The following KCNN2 variants were observed in gnomAD, a reference collection of about 807,000 sequenced individuals.
KCNN2 encodes the protein potassium calcium-activated channel subfamily N member 2.
Under a neutral mutation model 55.5 loss-of-function variants are expected in KCNN2, and 24 were observed. That is an observed-to-expected ratio of 0.43 (90% CI 0.31 to 0.61). KCNN2 has a LOEUF of 0.61. Ranked by LOEUF, KCNN2 falls within the 20% of genes least tolerant of loss-of-function variation. The pLI is 0.08. For synonymous variants in KCNN2, 431 were observed against 336.1 expected (o/e 1.28, Z -3.09); for missense variants, 754 against 853.6 (o/e 0.88, Z 1.45).
intron 2 of KCNN2, among the ~76,000 whole-genome samples, chr5:114,325,571 T>G (rs1756698415): frequency 6.6e-6 from 1 of 152,180 alleles, no homozygotes; most frequent in East Asian, 1.9e-4. Flanking sequence ...TTTAGGAAAC[T>G]TAAAAGCCTT....
At chr5:114,111,565 T>G (rs1018826336) in intron 1 of KCNN2, among the ~76,000 whole-genome samples, 3 of 152,060 alleles carry the variant, frequency 2.0e-5, no homozygotes, top group South Asian at 4.2e-4. Context: ...TTGGAGAAAA[T>G]TTTTGCAATC....
At chr5:114,168,984 G>C (rs1376215497) in intron 1 of KCNN2, among the ~76,000 whole-genome samples, 2 of 152,090 alleles carry the variant, frequency 1.3e-5, no homozygotes, top group Non-Finnish European at 2.9e-5. Context: ...TGCCCTTGCT[G>C]TTCTAATGAT....
intron 2 of KCNN2, among the ~76,000 whole-genome samples, chr5:114,293,766 G>A (rs1007217545): frequency 8.5e-5 from 13 of 152,174 alleles, no homozygotes; most frequent in African/African-American, 2.7e-4. Context: ...CAGAAGGAAT[G>A]GTACCAGTTC....
intron 1 of KCNN2, among the ~76,000 whole-genome samples, chr5:114,069,721 G>A (rs1482586431): frequency 6.6e-6 from 1 of 152,106 alleles, no homozygotes; most frequent in East Asian, 1.9e-4. Context: ...AATGCCTTTG[G>A]CTGTGGACTA....
intron 1 of KCNN2, among the ~76,000 whole-genome samples, chr5:114,208,227 C>G (rs550669398): frequency 6.6e-6 from 1 of 152,188 alleles, no homozygotes; most frequent in Non-Finnish European, 1.5e-5. Context: ...TCATTTGGAT[C>G]CTGAAATTGA....
chr5:114,458,342 T>C (rs1466718520), intron 3 of KCNN2, among the ~76,000 whole-genome samples: 1 of 152,218 alleles, frequency 6.6e-6, no homozygotes, highest in Non-Finnish European at 1.5e-5. Flanking sequence ...ACTGAATTAT[T>C]TTTACAGATA....
chr5:114,187,371 C>G (rs1169898317), intron 1 of KCNN2, among the ~76,000 whole-genome samples: 1 of 152,100 alleles, frequency 6.6e-6, no homozygotes, highest in Non-Finnish European at 1.5e-5. Flanking sequence ...AGATAATCAT[C>G]CCTTTTCCTT....
chr5:114,287,397 A>G (rs1755776112), intron 2 of KCNN2, among the ~76,000 whole-genome samples: 1 of 152,182 alleles, frequency 6.6e-6, no homozygotes, highest in Non-Finnish European at 1.5e-5. Flanking sequence ...GCACATATAC[A>G]CCAAGGAATA....
intron 3 of KCNN2, among the ~76,000 whole-genome samples, chr5:114,438,168 T>C (rs1760075704): frequency 6.6e-6 from 1 of 152,192 alleles, no homozygotes; most frequent in African/African-American, 2.4e-5. Flanking sequence ...GTGTGACATT[T>C]CTGAGCGTAG....
chr5:114,492,175 A>T (rs1383440413), intron 6 of KCNN2, among the ~76,000 whole-genome samples: 1 of 152,168 alleles, frequency 6.6e-6, no homozygotes, highest in Admixed American at 6.5e-5. Context: ...TGTAGAGCAG[A>T]TTTGGTGACA....
In KCNN2 at chr5:114,363,246, G is replaced by C; in HGVS notation, c.1107G>C (p.Trp369Cys). The C allele has an allele frequency of 6.2e-7, 1 of 1,609,972 alleles. No individual in the cohort carries two copies. The highest frequency in any genetic ancestry group is 1.3e-5 in the African/African-American group (1 of 74,994). Reference sequence around the variant, plus strand: ...TGGTCATCGAGACCGAGCTGTCGTGGGGCGCCTACGACAAGGTACAGGCTT... The same window carrying C: ...TGGTCATCGAGACCGAGCTGTCGTGCGGCGCCTACGACAAGGTACAGGCTT... ...VVMVIETELS[W>C]GAYDKASLYS... The change falls in exon 1 of 8, where the codon TGG (tryptophan) becomes TGC (cysteine). Residue 369 changes from tryptophan (W) to cysteine (C), a missense_variant. Trp to Cys is a radical substitution (Grantham distance 215). Coordinates refer to ENST00000673685, the MANE Select transcript of KCNN2 (RefSeq NM_021614.4).
chr5:114,427,578 TAC>T (rs973467296), intron 3 of KCNN2, among the ~76,000 whole-genome samples: 2 of 152,266 alleles, frequency 1.3e-5, no homozygotes, highest in African/African-American at 2.4e-5. Flanking sequence ...TGGAGCAGTT[TAC>T]ACCATTTGGT....
rs1756683465 is a variant in KCNN2, at chr5:114,324,724, G to A, written c.-184-36221G>A. Among the ~76,000 whole-genome samples the A allele has an allele frequency of 2.0e-5, 3 of 152,228 alleles. No homozygotes were observed. In the South Asian group the frequency reaches 6.2e-4, roughly 31 times the overall value. On this transcript the variant is annotated intron_variant, in intron 2 of 10. Transcript: ENST00000512097. ...AGATTTTGGTACCTGGAAGTAGGAT[G>A]CTGCTATAACAAATCCTTGAAATGT... is the stretch of plus-strand genomic sequence containing the variant.
At chr5:114,125,161 G>T (rs1322046614) in intron 1 of KCNN2, among the ~76,000 whole-genome samples, 1 of 150,770 alleles carries the variant, frequency 6.6e-6, no homozygotes, top group African/African-American at 2.5e-5. Context: ...GTTAAACTTA[G>T]GGGTTTCTTC....
At position 114,363,297 on chromosome 5, in the gene KCNN2, CG is replaced by C. The variant is rs578132171; in HGVS notation, c.1122+39del. 3.5e-5 allele frequency: 54 copies of C among 1,538,806 alleles called. No individual in the cohort carries two copies. In the African/African-American group the frequency reaches 7.1e-4, roughly 20 times the overall value. On this transcript the variant is annotated intron_variant, in intron 1 of 7. Transcript: ENST00000673685. ...GAACCCCAGCCCACGCTACCGGAGT[CG>C]GGCACTGGGTGGTTGGGATGGGCAC...
chr5:114,308,131 A>C (rs2125143), intron 2 of KCNN2, among the ~76,000 whole-genome samples: 31,620 of 152,000 alleles, frequency 0.21, 3,842 homozygotes, highest in Middle Eastern at 0.29. Flanking sequence ...GCTCATGTCA[A>C]TTTATCACAG....
Position 114,362,230 on chromosome 5 carries a change from C to T in KCNN2, c.91C>T (p.Gln31Ter). 1 of 167,216 alleles carries T rather than the reference C, an allele frequency of 6.0e-6. No homozygotes were observed. The highest frequency in any genetic ancestry group is 1.3e-5 in the Non-Finnish European group (1 of 78,240). 10.4% of individuals were successfully genotyped at this position (167,216 alleles called of 1,614,324 possible). ...RSSHLHCQQQ[Q>*]QSQDKPCPPF... is the part of the protein sequence containing the mutation. ...CTCACACCTGCATTGCCAGCAGCAG[C>T]AACAGAGCCAGGACAAGCCGTGCCC... The change falls in exon 1 of 8, where the codon CAA (glutamine) becomes TAA (stop). Residue 31 changes from glutamine to a stop codon, truncating the protein, a stop_gained. Transcript: ENST00000673685. LOFTEE classifies it high-confidence loss of function.
rs1348673976 is a variant in KCNN2, at chr5:114,430,157, A to G, written c.1637+25301A>G. Among the ~76,000 whole-genome samples the G allele has an allele frequency of 2.6e-5, 4 of 152,042 alleles. 1 individual carries two copies. In the South Asian group the frequency reaches 8.3e-4, roughly 31 times the overall value. ...CTTTAGAATCAATTTGTTGATATCC[A>G]CAAAATAACTTGCTGTAATTTTGGT... On this transcript the variant is annotated intron_variant, in intron 3 of 7. Coordinates refer to ENST00000673685, the MANE Select transcript of KCNN2 (RefSeq NM_021614.4).
chr5:114,308,050 G>T (rs1025115789), intron 2 of KCNN2, among the ~76,000 whole-genome samples: 1 of 151,964 alleles, frequency 6.6e-6, no homozygotes, highest in Non-Finnish European at 1.5e-5. Context: ...TCCCTTTGTT[G>T]TATAAATTAT....
Sources: gnomAD v4.1 joint callset for allele counts (sites outside exome capture counted in the v4.1 genomes callset) on GRCh38, gnomAD v4.1.1 for gene constraint, MANE v1.5 for transcripts, NCBI Gene and HGNC (gene_info 2026-07-23, HGNC 2026-07-21) for gene names.